Variants in PCMTD1 observed in about 807,000 individuals in gnomAD.
The protein encoded by PCMTD1 is protein-L-isoaspartate (D-aspartate) O-methyltransferase domain containing 1, also known as protein-L-isoaspartate O-methyltransferase domain-containing protein 1.
PCMTD1 carries 12 observed loss-of-function variants against 37.6 expected under a neutral mutation model. The observed-to-expected ratio is 0.32, with a 90% CI of 0.20 to 0.52. The LOEUF is 0.52. Ranked by LOEUF, PCMTD1 falls within the 20% of genes least tolerant of loss-of-function variation. PCMTD1 has a pLI of 0.97. For synonymous variants in PCMTD1, 117 were observed against 135.8 expected, an observed-to-expected ratio of 0.86 and a Z score of 0.96; for missense variants, 235 against 421.3, an observed-to-expected ratio of 0.56 and a Z score of 3.87.
chr8:51,878,963 A>C (rs1482990664), intron 1 of PCMTD1, among the ~76,000 whole-genome samples: 1 of 152,088 alleles, frequency 6.6e-6, no homozygotes, highest in Admixed American at 6.6e-5. Flanking sequence ...TATTTCTATA[A>C]AACATTTAAA....
chr8:51,842,266 CT>C (rs945683837), intron 3 of PCMTD1, among the ~76,000 whole-genome samples: 283 of 152,000 alleles, frequency 1.9e-3, no homozygotes, highest in African/African-American at 6.5e-3. Context: ...ACTTACAATA[CT>C]TTTTTTTAAA....
At chr8:51,868,972 T>C (rs2129289146) in intron 1 of PCMTD1, among the ~76,000 whole-genome samples, 1 of 152,262 alleles carries the variant, frequency 6.6e-6, no homozygotes, top group African/African-American at 2.4e-5. Context: ...GTTCAGGACT[T>C]TCACTTAATA....
intron 2 of PCMTD1, among the ~76,000 whole-genome samples, chr8:51,847,508 T>C (rs1170711710): frequency 6.6e-6 from 1 of 152,046 alleles, no homozygotes; most frequent in African/African-American, 2.4e-5. Flanking sequence ...ACACCTGTAA[T>C]CCCAGTTTCT....
chr8:51,854,664 G>A (rs1355978211), intron 2 of PCMTD1, among the ~76,000 whole-genome samples: 2 of 151,880 alleles, frequency 1.3e-5, no homozygotes, highest in African/African-American at 4.8e-5. Context: ...AGATCACAAG[G>A]TAAGGAGATC....
chr8:51,886,324 A>G (rs2038864084), intron 1 of PCMTD1, among the ~76,000 whole-genome samples: 1 of 152,200 alleles, frequency 6.6e-6, no homozygotes, highest in Non-Finnish European at 1.5e-5. Context: ...TAGAATATTT[A>G]AAACTATAGC....
intron 5 of PCMTD1, 139 bp downstream of exon 5, chr8:51,831,305 A>G (rs1350648306): frequency 3.0e-6 from 3 of 988,524 alleles, no homozygotes; most frequent in Non-Finnish European, 4.2e-6. Context: ...CCAAAAAAAA[A>G]AAAAAAGTTG....
At chr8:51,886,898 T>C (rs138786520) in intron 1 of PCMTD1, among the ~76,000 whole-genome samples, 4 of 152,282 alleles carry the variant, frequency 2.6e-5, no homozygotes, top group Admixed American at 6.5e-5. Context: ...GGGGAGACTG[T>C]TCCTTTCTGA....
At chr8:51,871,369 G>A (rs140510898) in intron 1 of PCMTD1, among the ~76,000 whole-genome samples, 1,537 of 152,258 alleles carry the variant, frequency 0.01, 20 homozygotes, top group Middle Eastern at 0.031. Context: ...CCATGCTCTG[G>A]GCCATCAACT....
intron 1 of PCMTD1, among the ~76,000 whole-genome samples, chr8:51,875,645 T>C (rs935003317): frequency 1.3e-5 from 2 of 152,208 alleles, no homozygotes; most frequent in Non-Finnish European, 2.9e-5. Flanking sequence ...TAAAGGATCA[T>C]ATAGTGTGGG....
rs555670926 is a variant in PCMTD1, at chr8:51,865,612, A to T, written c.-95-4366T>A. 2.6e-5 allele frequency among the ~76,000 whole-genome samples: 4 copies of T among 152,244 alleles called. No individual in the cohort carries two copies. The East Asian group carries it at 5.8e-4, about 22-fold the overall frequency. ...TCAATAGATGCAGAAAAAGCCGTTAACAAAAATTCAATATCCTTTCATAAT... is the reference window on the plus strand; with the variant it reads ...TCAATAGATGCAGAAAAAGCCGTTATCAAAAATTCAATATCCTTTCATAAT... On this transcript the variant is annotated intron_variant, in intron 1 of 5. Coordinates refer to ENST00000522514, the MANE Select transcript of PCMTD1 (RefSeq NM_052937.4).
intron 1 of PCMTD1, among the ~76,000 whole-genome samples, chr8:51,871,711 C>T (rs766090453): frequency 1.6e-4 from 25 of 152,186 alleles, no homozygotes; most frequent in Admixed American, 7.9e-4. Flanking sequence ...TAAGAAACAA[C>T]TGTTGACTAA....
chr8:51,843,433 T>A (rs1011467373), intron 3 of PCMTD1, among the ~76,000 whole-genome samples: 3 of 152,128 alleles, frequency 2.0e-5, no homozygotes, highest in African/African-American at 7.2e-5. Flanking sequence ...CAACTACATA[T>A]AATAACTAAA....
intron 5 of PCMTD1, among the ~76,000 whole-genome samples, chr8:51,821,435 C>A (rs909317664): frequency 7.2e-5 from 11 of 152,210 alleles, no homozygotes; most frequent in Non-Finnish European, 1.6e-4. Flanking sequence ...ACCATCATGC[C>A]CGGCCCTCTA....
intron 1 of PCMTD1, among the ~76,000 whole-genome samples, chr8:51,891,938 A>G (rs1208514066): frequency 4.6e-5 from 7 of 152,064 alleles, no homozygotes; most frequent in East Asian, 3.9e-4. Flanking sequence ...GTTATTCAAC[A>G]GAATTCTGAC....
intron 1 of PCMTD1, among the ~76,000 whole-genome samples, chr8:51,869,819 T>C (rs980521149): frequency 6.6e-6 from 1 of 152,188 alleles, no homozygotes; most frequent in Non-Finnish European, 1.5e-5. Context: ...CACAATTTCA[T>C]TCCTTGGTAT....
chr8:51,829,016 T>C (rs1486895117), intron 5 of PCMTD1, among the ~76,000 whole-genome samples: 1 of 152,254 alleles, frequency 6.6e-6, no homozygotes, highest in Non-Finnish European at 1.5e-5. Context: ...AAGTCCTTTT[T>C]GTAAGTAGCG....
At chr8:51,845,027 G>A (rs4565452) in intron 3 of PCMTD1, 144,198 of 152,348 alleles carry the variant, frequency 0.95, 68,313 homozygotes, top group East Asian at 1. Flanking sequence ...GGATTTCAGC[G>A]TAAGTGCTCT....
chr8:51,860,693 A>T, intron 2 of PCMTD1, 152 bp downstream of exon 2: 1 of 640,686 alleles, frequency 1.6e-6, no homozygotes, highest in South Asian at 2.4e-5. Context: ...GATTACTACT[A>T]CTTTGTGTTT....
At chr8:51,894,487 C>G (rs1350994231) in intron 1 of PCMTD1, among the ~76,000 whole-genome samples, 4 of 152,146 alleles carry the variant, frequency 2.6e-5, no homozygotes, top group African/African-American at 9.7e-5. Flanking sequence ...TACCTACTAA[C>G]AACTCCTTCA....
Sources: allele counts gnomAD v4.1 joint callset (sites outside exome capture counted in the v4.1 genomes callset), GRCh38; gene constraint gnomAD v4.1.1; transcripts MANE v1.5; gene names NCBI Gene and HGNC (gene_info 2026-07-23, HGNC 2026-07-21).